The following GALNT10 variants were observed in gnomAD, a reference collection of about 807,000 sequenced individuals.
The protein encoded by GALNT10 is GalNAc transferase 10.
GALNT10 carries 41 observed loss-of-function variants against 75.0 expected under a neutral mutation model. That is an observed-to-expected ratio of 0.55 (90% CI 0.43 to 0.71). The LOEUF is 0.71. Ranked by LOEUF, GALNT10 falls within the 30% of genes least tolerant of loss-of-function variation. The probability of loss-of-function intolerance (pLI) is 0.00; values close to 1 mark genes in which losing one functional copy is unlikely to be tolerated. For missense variants in GALNT10, 727 were observed against 818.5 expected, an observed-to-expected ratio of 0.89 and a Z score of 1.36; for synonymous variants, 302 against 313.0, an observed-to-expected ratio of 0.96 and a Z score of 0.37.
intron 1 of GALNT10, among the ~76,000 whole-genome samples, chr5:154,294,028 T>C (rs1754237762): frequency 6.6e-6 from 1 of 152,098 alleles, no homozygotes; most frequent in Non-Finnish European, 1.5e-5. Flanking sequence ...ACACACTGGA[T>C]TTCAAAGGCA....
intron 3 of GALNT10, among the ~76,000 whole-genome samples, chr5:154,302,733 C>G (rs1054319499): frequency 1.3e-5 from 2 of 152,194 alleles, no homozygotes; most frequent in African/African-American, 4.8e-5. Context: ...TCTACCAGAT[C>G]CCTCCTTCCA....
At chr5:154,384,717 C>G (rs73283389) in intron 6 of GALNT10, among the ~76,000 whole-genome samples, 6 of 152,146 alleles carry the variant, frequency 3.9e-5, no homozygotes, top group Non-Finnish European at 5.9e-5. Context: ...ACCTGCTTCT[C>G]GAGTGTTCCT....
chr5:154,317,132 G>A (rs1325884951), intron 3 of GALNT10, among the ~76,000 whole-genome samples: 1 of 152,198 alleles, frequency 6.6e-6, no homozygotes, highest in East Asian at 1.9e-4. Context: ...TTGCAAAGGA[G>A]CAGAGTCAGG....
At chr5:154,250,970 C>CA (rs1404166888) in intron 1 of GALNT10, among the ~76,000 whole-genome samples, 18 of 152,214 alleles carry the variant, frequency 1.2e-4, no homozygotes, top group African/African-American at 4.3e-4. Flanking sequence ...TGTCTCAACA[C>CA]AAACATGTCC....
At chr5:154,350,589 T>C (rs1203749095) in intron 4 of GALNT10, among the ~76,000 whole-genome samples, 1 of 152,188 alleles carries the variant, frequency 6.6e-6, no homozygotes, top group Non-Finnish European at 1.5e-5. Context: ...AGTAGCATGC[T>C]GGTAAAAGTT....
intron 1 of GALNT10, among the ~76,000 whole-genome samples, chr5:154,279,104 A>C (rs1176159198): frequency 3.3e-5 from 5 of 152,112 alleles, no homozygotes; most frequent in Admixed American, 6.6e-5. Context: ...TCTACATTTA[A>C]CCTTTTGGAA....
At position 154,376,239 on chromosome 5, in the gene GALNT10, C is replaced by G; in HGVS notation, c.569-38C>G. 2.9e-6 allele frequency: 4 copies of G among 1,366,280 alleles called. No homozygotes were observed. Among genetic ancestry groups the G allele is most frequent in the Non-Finnish European group, 4.2e-6 (4 of 963,432 alleles). 84.6% of individuals were successfully genotyped at this position (1,366,280 alleles called of 1,614,324 possible). ...AGGAGTCATAAGGATGACTACTAAG[C>G]AACTGTTCTCACTCTTCTGTCCTCT... On this transcript the variant is annotated intron_variant, in intron 4 of 11. Coordinates refer to ENST00000297107, the MANE Select transcript of GALNT10 (RefSeq NM_198321.4). This position sits in a 1 kb window ranked among gnomAD's most constrained non-coding sequence, Gnocchi z 4.1.
intron 4 of GALNT10, among the ~76,000 whole-genome samples, chr5:154,359,550 AAAG>A (rs921752710): frequency 1.3e-5 from 2 of 151,048 alleles, no homozygotes; most frequent in African/African-American, 4.9e-5. Flanking sequence ...AAAAAAAAAA[AAAG>A]AGAGAGAGAG....
chr5:154,256,483 A>G (rs1753615627), intron 1 of GALNT10, among the ~76,000 whole-genome samples: 1 of 150,330 alleles, frequency 6.7e-6, no homozygotes, highest in South Asian at 2.1e-4. Context: ...TCACTCATTC[A>G]TTTATTATTT....
At chr5:154,396,925 G>C (rs1360288754) in intron 7 of GALNT10, among the ~76,000 whole-genome samples, 3 of 152,012 alleles carry the variant, frequency 2.0e-5, no homozygotes, top group Admixed American at 2.0e-4. Flanking sequence ...TCAGGAGTTC[G>C]AGACCAGCCT....
intron 6 of GALNT10, 138 bp from the exon 7 acceptor site, chr5:154,386,175 G>A (rs551914723): frequency 1.8e-4 from 120 of 651,520 alleles, no homozygotes; most frequent in Non-Finnish European, 2.9e-4. Flanking sequence ...AAGGGCCTTG[G>A]ATTCCCTGGA....
intron 1 of GALNT10, among the ~76,000 whole-genome samples, chr5:154,250,113 G>A (rs1201846734): frequency 6.6e-6 from 1 of 152,122 alleles, no homozygotes; most frequent in Non-Finnish European, 1.5e-5. Context: ...TTAAGAGCTT[G>A]ACACCAGCTA....
chr5:154,294,178 A>C (rs1043485320), intron 1 of GALNT10, among the ~76,000 whole-genome samples: 5 of 152,148 alleles, frequency 3.3e-5, no homozygotes, highest in Admixed American at 6.5e-5. Flanking sequence ...CTATCACTAC[A>C]ATAAATAATT....
intron 4 of GALNT10, among the ~76,000 whole-genome samples, chr5:154,355,469 C>T (rs1299909648): frequency 6.6e-6 from 1 of 152,206 alleles, no homozygotes; most frequent in Non-Finnish European, 1.5e-5. Context: ...CCATTCCGGG[C>T]CTGGCCCTGC....
chr5:154,417,328 C>A lies in GALNT10; in HGVS notation c.*356C>A. 5.4e-6 allele frequency: 1 copy of A among 186,698 alleles called. No individual in the cohort carries two copies. The highest frequency in any genetic ancestry group is 1.1e-5 in the Non-Finnish European group (1 of 90,352). The allele number at this position is 186,698 out of a possible 1,614,324, so 11.6% of individuals were successfully genotyped here. A position where few individuals can be genotyped will look rare whatever the true frequency, so the allele number is the denominator to read the frequency against. ...CTAGGCCACCCAAAAGTGAGTCCTG[C>A]GAGGTTGCCCAGCCCTCAGATGGCT... On this transcript the variant is annotated 3_prime_UTR_variant, in exon 12 of 12. Coordinates refer to ENST00000297107, the MANE Select transcript of GALNT10 (RefSeq NM_198321.4).
chr5:154,386,753 C>T, intron 7 of GALNT10: 1 of 527,242 alleles, frequency 1.9e-6, no homozygotes, highest in South Asian at 2.7e-5. Flanking sequence ...ATTGAGATGT[C>T]CAGCAAATAA....
At chr5:154,335,474 C>T (rs935165139) in intron 4 of GALNT10, among the ~76,000 whole-genome samples, 6 of 152,046 alleles carry the variant, frequency 3.9e-5, no homozygotes, top group African/African-American at 1.2e-4. Flanking sequence ...GATATTACTC[C>T]CTGGGGTTAG....
intron 1 of GALNT10, among the ~76,000 whole-genome samples, chr5:154,209,076 A>G (rs1050631699): frequency 6.6e-6 from 1 of 152,166 alleles, no homozygotes; most frequent in African/African-American, 2.4e-5. Flanking sequence ...AAAACCACCC[A>G]AGGGAATGGG....
intron 3 of GALNT10, among the ~76,000 whole-genome samples, chr5:154,300,873 G>T (rs977127701): frequency 1.3e-5 from 2 of 152,184 alleles, no homozygotes; most frequent in African/African-American, 4.8e-5. Context: ...CTTCCGGAGG[G>T]GTGCTATCTA....
Sources: gnomAD v4.1 joint callset for allele counts (sites outside exome capture counted in the v4.1 genomes callset) on GRCh38, gnomAD v4.1.1 for gene constraint, Gnocchi (gnomAD v3.1) non-coding constraint, MANE v1.5 for transcripts, NCBI Gene and HGNC (gene_info 2026-07-23, HGNC 2026-07-21) for gene names.